Variants in RGPD8 observed in about 807,000 individuals in gnomAD.
RGPD8 encodes RANBP2-like and GRIP domain-containing protein 8.
Under a neutral mutation model 89.1 loss-of-function variants are expected in RGPD8, and 15 were observed. The ratio of observed to expected loss-of-function variants is 0.17; its 90% CI spans 0.11 to 0.26. The LOEUF (loss-of-function observed/expected upper bound fraction) is 0.26. RGPD8 is among the 10% of genes least tolerant of loss of function. The pLI, the probability that RGPD8 is intolerant of heterozygous loss-of-function variation, is 1.00. For synonymous variants in RGPD8, 62 were observed against 420.9 expected (o/e 0.15, Z 10.44); for missense variants, 178 against 1,179.6 (o/e 0.15, Z 12.44).
chr2:112,428,289 GA>G (rs1679864388), intron 1 of RGPD8, among the ~76,000 whole-genome samples: 1 of 149,670 alleles, frequency 6.7e-6, no homozygotes, highest in Non-Finnish European at 1.5e-5. Flanking sequence ...ACTAAAAATA[GA>G]AAAAATTAGC....
At chr2:112,432,642 G>A in intron 1 of RGPD8, 1 of 985,268 alleles carries the variant, frequency 1.0e-6, no homozygotes, top group Non-Finnish European at 1.2e-6. Context: ...TAAATGTCCA[G>A]GACATGGGAA....
intron 7 of RGPD8, among the ~76,000 whole-genome samples, chr2:112,410,906 A>G (rs1462847985): frequency 6.6e-6 from 1 of 152,292 alleles, no homozygotes; most frequent in Admixed American, 6.5e-5. Flanking sequence ...ACCAACATGG[A>G]GAAACCTCGT....
At chr2:112,431,779 G>A (rs1338729189) in intron 1 of RGPD8, among the ~76,000 whole-genome samples, 2 of 152,072 alleles carry the variant, frequency 1.3e-5, no homozygotes, top group African/African-American at 2.4e-5. Context: ...TGGGACTACA[G>A]GCGTGCGCCA....
chr2:112,371,045 T>C (rs1193201606), intron 22 of RGPD8, among the ~76,000 whole-genome samples: 1 of 151,492 alleles, frequency 6.6e-6, no homozygotes, highest in Non-Finnish European at 1.5e-5. Flanking sequence ...TTGTTGACGA[T>C]AAGAGGATTT....
chr2:112,427,038 G>A (rs1679799925), intron 1 of RGPD8, among the ~76,000 whole-genome samples: 1 of 151,718 alleles, frequency 6.6e-6, no homozygotes, highest in African/African-American at 2.4e-5. Context: ...CTTGTGATCT[G>A]ACTTCTTCCG....
rs1165230470 is a variant in RGPD8, at chr2:112,374,636, TGAGA to T, written c.5263+3413_5263+3416del. 3.2e-5 allele frequency among the ~76,000 whole-genome samples: 4 copies of T among 123,228 alleles called. 1 individual carries two copies. In the East Asian group the frequency reaches 1.1e-3, roughly 33 times the overall value. 80.8% of individuals were successfully genotyped at this position (123,228 alleles called of 152,430 possible). A position where few individuals can be genotyped will look rare whatever the true frequency, so the allele number is the denominator to read the frequency against. ...TTCTTCTTTTTTTTTTAATACTGCT[TGAGA>T]TTTTACTGGGTTTTTGAATCTGTGG... On this transcript the variant is annotated intron_variant, in intron 22 of 22. Transcript: ENST00000302558.
intron 6 of RGPD8, among the ~76,000 whole-genome samples, chr2:112,416,088 CAAA>C (rs1168507298): frequency 4.5e-3 from 401 of 88,656 alleles, no homozygotes; most frequent in Non-Finnish European, 5.7e-3. Context: ...GACTCCATCT[CAAA>C]AAAAAAAAAA....
At chr2:112,427,640 T>C (rs956948773) in intron 1 of RGPD8, among the ~76,000 whole-genome samples, 6 of 152,094 alleles carry the variant, frequency 3.9e-5, no homozygotes, top group Admixed American at 6.5e-5. Context: ...CATTATGCAG[T>C]TCTAAATTTC....
chr2:112,432,657 C>G, intron 1 of RGPD8: 1 of 985,280 alleles, frequency 1.0e-6, no homozygotes, highest in African/African-American at 1.7e-5. Context: ...TGGGAAGAAA[C>G]CCGCCGATAC....
chr2:112,370,175 T>G lies in RGPD8; in HGVS notation c.*3A>C. 1 of 1,548,738 alleles carries G rather than the reference T, an allele frequency of 6.5e-7. No individual in the cohort carries two copies. The highest frequency in any genetic ancestry group is 8.8e-7 in the Non-Finnish European group (1 of 1,137,840). On this transcript the variant is annotated 3_prime_UTR_variant, in exon 23 of 23. Coordinates refer to ENST00000302558, the MANE Select transcript of RGPD8 (RefSeq NM_001164463.1). Reference sequence around the variant, plus strand: ...GTCCAAACCAACTACGAAGATAGGATGCTCATCCAGAAGAACGGGAAGGAT... The same window carrying G: ...GTCCAAACCAACTACGAAGATAGGAGGCTCATCCAGAAGAACGGGAAGGAT...
intron 9 of RGPD8, among the ~76,000 whole-genome samples, chr2:112,402,565 A>C: frequency 7.0e-6 from 1 of 142,162 alleles, no homozygotes; most frequent in Non-Finnish European, 1.5e-5. Context: ...GAAGAGGTAT[A>C]ATCTTTCTGT....
At chr2:112,432,948 GGCC>G (rs1035146596) in intron 1 of RGPD8, among the ~76,000 whole-genome samples, 1 of 140,798 alleles carries the variant, frequency 7.1e-6, no homozygotes, top group African/African-American at 2.6e-5. Context: ...GACCCATCGA[GGCC>G]GCCGCCGGGC....
intron 7 of RGPD8, among the ~76,000 whole-genome samples, chr2:112,411,258 C>A (rs1679183932): frequency 1.5e-5 from 2 of 130,708 alleles, no homozygotes; most frequent in African/African-American, 3.0e-5. Flanking sequence ...GTTATGCAAG[C>A]TCATTAAAAA....
intron 6 of RGPD8, among the ~76,000 whole-genome samples, chr2:112,415,699 C>T (rs1441822672): frequency 3.5e-5 from 5 of 143,138 alleles, no homozygotes; most frequent in Non-Finnish European, 7.5e-5. Flanking sequence ...GGTGACAGAG[C>T]GAGACTCTGT....
At chr2:112,371,852 A>C (rs1677974824) in intron 22 of RGPD8, among the ~76,000 whole-genome samples, 1 of 150,186 alleles carries the variant, frequency 6.7e-6, no homozygotes, top group Non-Finnish European at 1.5e-5. Context: ...TAGGCAGAGT[A>C]GCATTTTCAA....
intron 2 of RGPD8, 100 bp downstream of exon 2, chr2:112,424,140 G>A (rs1679659634): frequency 7.4e-7 from 1 of 1,360,004 alleles, no homozygotes; most frequent in Non-Finnish European, 9.9e-7. Context: ...AATACACTTA[G>A]GAAGAACTAC....
intron 7 of RGPD8, among the ~76,000 whole-genome samples, chr2:112,409,549 C>A (rs1679084164): frequency 6.9e-6 from 1 of 145,216 alleles, no homozygotes; most frequent in South Asian, 2.1e-4. Context: ...GTAATCTCAG[C>A]ACTTTGGGAG....
At chr2:112,431,095 T>TACAAA (rs977568276) in intron 1 of RGPD8, among the ~76,000 whole-genome samples, 6 of 151,776 alleles carry the variant, frequency 4.0e-5, no homozygotes, top group Admixed American at 6.6e-5. Flanking sequence ...CTACCAAAAA[T>TACAAA]ACAAAACAAA....
intron 1 of RGPD8, among the ~76,000 whole-genome samples, chr2:112,429,356 C>A (rs1360243679): frequency 8.0e-6 from 1 of 124,908 alleles, no homozygotes; most frequent in Non-Finnish European, 1.6e-5. Flanking sequence ...GCAGAGTTTG[C>A]AGTGAGCCGA....
Sources: gnomAD v4.1 joint callset for allele counts (sites outside exome capture counted in the v4.1 genomes callset) on GRCh38, gnomAD v4.1.1 for gene constraint, MANE v1.5 for transcripts, NCBI Gene and HGNC (gene_info 2026-07-23, HGNC 2026-07-21) for gene names.